Variants in CSMD1 observed in about 807,000 individuals in gnomAD.
CSMD1 encodes CUB and sushi domain-containing protein 1.
Under a neutral mutation model 417.5 loss-of-function variants are expected in CSMD1, and 213 were observed. That is an observed-to-expected ratio of 0.51 (90% confidence interval 0.46 to 0.57). The LOEUF is 0.57. Ranked by LOEUF, CSMD1 falls within the 20% of genes least tolerant of loss-of-function variation. The pLI is 0.00. For synonymous variants in CSMD1, 2,862 were observed against 1,736.8 expected (o/e 1.65, Z -16.11); for missense variants, 6,923 against 4,529.7 (o/e 1.53, Z -15.17).
intron 30 of CSMD1, among the ~76,000 whole-genome samples, chr8:3,213,878 G>C (rs1020970310): frequency 6.6e-6 from 1 of 150,500 alleles, no homozygotes; most frequent in Non-Finnish European, 1.5e-5. Context: ...ATATATATGA[G>C]ATGGAGTCTT....
chr8:3,757,283 C>T (rs1349301254), intron 5 of CSMD1, among the ~76,000 whole-genome samples: 6 of 152,124 alleles, frequency 3.9e-5, no homozygotes, highest in African/African-American at 7.2e-5. Context: ...GGAGTACGTA[C>T]GTATTTCAGG....
chr8:3,553,892 G>C (rs1027023309), intron 10 of CSMD1, among the ~76,000 whole-genome samples: 1 of 152,080 alleles, frequency 6.6e-6, no homozygotes. Flanking sequence ...ATCCACAACA[G>C]TCATATTTAA....
intron 3 of CSMD1, among the ~76,000 whole-genome samples, chr8:4,297,406 A>G (rs1253499736): frequency 6.6e-6 from 1 of 152,162 alleles, no homozygotes; most frequent in Non-Finnish European, 1.5e-5. Context: ...TTTATTGACT[A>G]AGAAGTGAAT....
intron 1 of CSMD1, among the ~76,000 whole-genome samples, chr8:4,649,506 G>A (rs1425056394): frequency 6.6e-6 from 1 of 152,196 alleles, no homozygotes. Context: ...ACCCACGTGA[G>A]TAGGACTTCT....
intron 23 of CSMD1, among the ~76,000 whole-genome samples, chr8:3,340,510 C>A (rs977278197): frequency 6.6e-6 from 1 of 152,088 alleles, no homozygotes; most frequent in Admixed American, 6.6e-5. Flanking sequence ...GTGCAATTAA[C>A]TATCAAGAGG....
At chr8:4,396,557 T>A (rs1055962068) in intron 3 of CSMD1, among the ~76,000 whole-genome samples, 1 of 151,776 alleles carries the variant, frequency 6.6e-6, no homozygotes. Context: ...AGCAGCAAAA[T>A]TCGCAACTGC....
At chr8:3,623,987 A>G (rs1796377679) in intron 7 of CSMD1, among the ~76,000 whole-genome samples, 1 of 152,030 alleles carries the variant, frequency 6.6e-6, no homozygotes, top group African/African-American at 2.4e-5. Flanking sequence ...AAAACAAAAC[A>G]AAACAAAAAA....
At chr8:4,075,236 A>G (rs1191157085) in intron 3 of CSMD1, among the ~76,000 whole-genome samples, 3 of 152,158 alleles carry the variant, frequency 2.0e-5, no homozygotes, top group Non-Finnish European at 4.4e-5. Flanking sequence ...CAGCTTAAGG[A>G]CTTAGGATAA....
intron 26 of CSMD1, among the ~76,000 whole-genome samples, chr8:3,267,324 A>G (rs1466066911): frequency 6.6e-6 from 1 of 152,234 alleles, no homozygotes; most frequent in Non-Finnish European, 1.5e-5. Flanking sequence ...GTCATATCCC[A>G]CAAGATCATC....
intron 3 of CSMD1, among the ~76,000 whole-genome samples, chr8:4,339,946 G>A (rs548484483): frequency 8.2e-4 from 125 of 152,188 alleles, no homozygotes; most frequent in African/African-American, 2.9e-3. Context: ...GATCACTTGA[G>A]TTCATAAGTT....
intron 5 of CSMD1, among the ~76,000 whole-genome samples, chr8:3,782,024 A>T (rs1799212363): frequency 2.3e-5 from 3 of 132,896 alleles, no homozygotes; most frequent in Admixed American, 7.5e-5. Context: ...GGATAATTTA[A>T]GAGTATCTCT....
intron 5 of CSMD1, among the ~76,000 whole-genome samples, chr8:3,974,560 G>A (rs185895270): frequency 6.6e-6 from 1 of 151,910 alleles, no homozygotes; most frequent in Admixed American, 6.6e-5. Flanking sequence ...TTAAATGTTT[G>A]CTTTCAGAAC....
At chr8:4,586,398 T>G (rs1799702390) in intron 2 of CSMD1, among the ~76,000 whole-genome samples, 1 of 152,190 alleles carries the variant, frequency 6.6e-6, no homozygotes, top group African/African-American at 2.4e-5. Context: ...ACTGTTAAAG[T>G]CACAGACCAA....
intron 1 of CSMD1, among the ~76,000 whole-genome samples, chr8:4,949,675 A>G (rs1323342866): frequency 6.6e-6 from 1 of 152,218 alleles, no homozygotes; most frequent in African/African-American, 2.4e-5. Flanking sequence ...GCTGAGAAAT[A>G]CTGCATTAGT....
In CSMD1 at chr8:4,059,173, A is replaced by T. The variant is rs186937556; in HGVS notation, c.416-27074T>A. On this transcript the variant is annotated intron_variant, in intron 3 of 69. Transcript: ENST00000635120. ...CCGCTTAACTACACAGAAACTGAAC[A>T]ACCTGCTGCTGAATGACTACTGGGT... Among the ~76,000 whole-genome samples, 37 of 152,330 alleles carry T rather than the reference A, an allele frequency of 2.4e-4. No homozygotes were observed. In the East Asian group the frequency reaches 6.6e-3, roughly 27 times the overall value.
At chr8:3,542,764 C>G (rs940551389) in intron 10 of CSMD1, among the ~76,000 whole-genome samples, 1 of 152,214 alleles carries the variant, frequency 6.6e-6, no homozygotes, top group African/African-American at 2.4e-5. Flanking sequence ...ACAGCTTGGA[C>G]TCTCTTCCAG....
At chr8:4,833,287 T>C (rs1206026206) in intron 1 of CSMD1, among the ~76,000 whole-genome samples, 2 of 152,136 alleles carry the variant, frequency 1.3e-5, no homozygotes, top group African/African-American at 4.8e-5. Flanking sequence ...CTTACAACCA[T>C]GGCAGAAGGG....
intron 57 of CSMD1, among the ~76,000 whole-genome samples, chr8:2,972,278 G>A (rs1447247974): frequency 6.6e-6 from 1 of 152,180 alleles, no homozygotes; most frequent in Admixed American, 6.5e-5. Flanking sequence ...TTCTCACATT[G>A]ATAGTGTGTA....
At chr8:3,388,171 CTG>C (rs1450495041) in intron 17 of CSMD1, among the ~76,000 whole-genome samples, 6 of 152,098 alleles carry the variant, frequency 3.9e-5, no homozygotes, top group African/African-American at 1.2e-4. Flanking sequence ...CAATTAAAAA[CTG>C]TGCTAGTGTT....
Sources: gnomAD v4.1 joint callset for allele counts (sites outside exome capture counted in the v4.1 genomes callset) on GRCh38, gnomAD v4.1.1 for gene constraint, MANE v1.5 for transcripts, NCBI Gene and HGNC (gene_info 2026-07-23, HGNC 2026-07-21) for gene names.